HIPK2: variants seen among roughly 807,000 people sequenced by gnomAD.
The protein encoded by HIPK2 is homeodomain interacting protein kinase 2.
HIPK2 carries 27 observed loss-of-function variants against 113.7 expected under a neutral mutation model. The observed-to-expected ratio is 0.24, with a 90% confidence interval of 0.17 to 0.33. The LOEUF (loss-of-function observed/expected upper bound fraction) is 0.33. Among genes scored for constraint, HIPK2 ranks in the 10% least tolerant of loss-of-function variants. The pLI is 1.00. For missense variants in HIPK2, 1,257 were observed against 1,588.0 expected (o/e 0.79, Z 3.54); for synonymous variants, 631 against 642.2 (o/e 0.98, Z 0.26).
At position 139,716,713 on chromosome 7, in the gene HIPK2, G is replaced by C; in HGVS notation, c.322C>G (p.Leu108Val). 1.2e-6 allele frequency: 2 copies of C among 1,613,950 alleles called. No individual in the cohort carries two copies. The highest frequency in any genetic ancestry group is 1.7e-6 in the Non-Finnish European group (2 of 1,179,878). ...CGCATTAGGTTGTGTGGTCCGCCGA[G>C]GACTTGCCCGGTGACAGAAGTGCTG... is the stretch of plus-strand genomic sequence containing the variant. ...ASSTSVTGQV[L>V]GGPHNLMRRS... The change falls in exon 2 of 15, where the codon CTC (leucine) becomes GTC (valine). Residue 108 changes from leucine (L) to valine (V), a missense_variant. Physicochemically the swap from Leu to Val is conservative, Grantham distance 32 (BLOSUM62 1). Around this residue, in one of 5 missense-constraint regions of HIPK2, gnomAD observed 209 missense variants for 237.8 expected, o/e 0.88. Transcript: ENST00000406875. This position sits in a 1 kb window ranked among gnomAD's most constrained non-coding sequence, Gnocchi z 9.3.
chr7:139,585,198 G>C (rs893768295), intron 12 of HIPK2, among the ~76,000 whole-genome samples: 1 of 152,212 alleles, frequency 6.6e-6, no homozygotes, highest in African/African-American at 2.4e-5. Flanking sequence ...GCCTCATAGA[G>C]TCACAGCCAC....
intron 2 of HIPK2, among the ~76,000 whole-genome samples, chr7:139,713,231 C>G (rs868507498): frequency 5.9e-5 from 9 of 152,126 alleles, no homozygotes; most frequent in African/African-American, 1.9e-4. Flanking sequence ...CCACCAGAGG[C>G]GTCCAAAAGG....
rs750197299 is a variant in HIPK2 at position 139,604,066 on chromosome 7, G to A, written c.2255+15C>T. On this transcript the variant is annotated intron_variant, in intron 10 of 14. Coordinates refer to ENST00000406875, the MANE Select transcript of HIPK2 (RefSeq NM_022740.5). The stretch of plus-strand genomic sequence containing the variant: ...CCAGACACACCCACTCACCCTAGAG[G>A]GGTTTCCTGCTTACCTCCAGTCCGC... 6.2e-7 allele frequency: 1 copy of A among 1,613,698 alleles called. No homozygotes were observed. Among genetic ancestry groups the A allele is most frequent in the South Asian group, 1.1e-5 (1 of 91,064 alleles).
At chr7:139,596,513 G>A (rs1432512119) in intron 12 of HIPK2, among the ~76,000 whole-genome samples, 2 of 152,166 alleles carry the variant, frequency 1.3e-5, no homozygotes, top group Non-Finnish European at 2.9e-5. Flanking sequence ...AACATGATTC[G>A]ACATTATTTT....
intron 1 of HIPK2, among the ~76,000 whole-genome samples, chr7:139,720,446 G>A (rs1025735508): frequency 1.3e-5 from 2 of 152,296 alleles, no homozygotes; most frequent in Non-Finnish European, 1.5e-5. Context: ...GTGACTGCAC[G>A]TCTGTAGGAA....
chr7:139,625,612 CT>C (rs1322384307), intron 6 of HIPK2, among the ~76,000 whole-genome samples: 1 of 152,232 alleles, frequency 6.6e-6, no homozygotes, highest in Admixed American at 6.5e-5. Flanking sequence ...AATGCCCTGC[CT>C]GCTCATGCCC....
intron 9 of HIPK2, among the ~76,000 whole-genome samples, chr7:139,608,259 G>GTGTA (rs1425290692): frequency 6.8e-6 from 1 of 146,228 alleles, no homozygotes; most frequent in Non-Finnish European, 1.5e-5. Context: ...ATACGTGTGT[G>GTGTA]TGTGTGTGTG....
intron 1 of HIPK2, among the ~76,000 whole-genome samples, chr7:139,764,087 A>G (rs1010065498): frequency 4.6e-5 from 7 of 152,224 alleles, no homozygotes; most frequent in African/African-American, 1.7e-4. Flanking sequence ...CATGAGTTAT[A>G]GTGCTGTTGG....
intron 1 of HIPK2, among the ~76,000 whole-genome samples, chr7:139,736,481 C>T (rs1179710641): frequency 6.6e-6 from 1 of 152,160 alleles, no homozygotes; most frequent in African/African-American, 2.4e-5. Context: ...AGGGAACTCC[C>T]ACAGCAGGAC....
intron 13 of HIPK2, among the ~76,000 whole-genome samples, chr7:139,581,144 C>A (rs144653138): frequency 6.6e-6 from 1 of 152,052 alleles, no homozygotes; most frequent in Admixed American, 6.6e-5. Flanking sequence ...TGCTTGAACC[C>A]GGGAAGTAGA....
At chr7:139,776,241 C>A (rs573122293) in intron 1 of HIPK2, among the ~76,000 whole-genome samples, 14 of 152,132 alleles carry the variant, frequency 9.2e-5, no homozygotes, top group Non-Finnish European at 1.5e-4. Flanking sequence ...CCTGGAATAA[C>A]ATCTCTCTGT....
In HIPK2 at chr7:139,631,838, G is replaced by A. The variant is rs1295131581; in HGVS notation, c.1104-113C>T. On this transcript the variant is annotated intron_variant, in intron 2 of 14. Transcript: ENST00000406875. This position sits in a 1 kb window ranked among gnomAD's most constrained non-coding sequence, Gnocchi z 4.9. ...GCCATTACTGACTCCTCCTCTGAAG[G>A]GCCTGTGGCTCTCAGGAGAGGCGCT... The A allele has an allele frequency of 6.8e-6, 9 of 1,325,894 alleles. No individual in the cohort carries two copies. In the African/African-American group the frequency reaches 1.2e-4, roughly 18 times the overall value. 82.1% of individuals were successfully genotyped at this position (1,325,894 alleles called of 1,614,324 possible).
intron 11 of HIPK2, among the ~76,000 whole-genome samples, chr7:139,599,339 C>T (rs566657067): frequency 7.9e-5 from 12 of 152,272 alleles, no homozygotes; most frequent in Admixed American, 2.6e-4. Context: ...AGTCATAACC[C>T]CCCCTACAAT....
chr7:139,727,533 A>G (rs989963069), intron 1 of HIPK2, among the ~76,000 whole-genome samples: 10 of 152,206 alleles, frequency 6.6e-5, no homozygotes, highest in African/African-American at 2.4e-4. Context: ...TTTTCCTAAC[A>G]TTTGCAAATT....
intron 8 of HIPK2, 121 bp downstream of exon 8, chr7:139,614,165 C>T: frequency 1.0e-6 from 1 of 985,446 alleles, no homozygotes; most frequent in Non-Finnish European, 1.4e-6. Flanking sequence ...AGCGCTCTCA[C>T]TGGAAGAAAT....
At position 139,564,023 on chromosome 7, in the gene HIPK2, A is replaced by C; in HGVS notation, c.*8904T>G. On this transcript the variant is annotated 3_prime_UTR_variant, in exon 15 of 15. Coordinates refer to ENST00000406875, the MANE Select transcript of HIPK2 (RefSeq NM_022740.5). ...CTTGTTCCAAATATGATGTCTGTTTAGAGTGGGTCTCAATGGACCAGGCTG... is the reference window on the plus strand; with the variant it reads ...CTTGTTCCAAATATGATGTCTGTTTCGAGTGGGTCTCAATGGACCAGGCTG... The C allele has an allele frequency of 2.5e-6, 1 of 398,444 alleles. No individual in the cohort carries two copies. The highest frequency in any genetic ancestry group is 4.4e-6 in the Non-Finnish European group (1 of 226,056). 24.7% of individuals were successfully genotyped at this position (398,444 alleles called of 1,614,324 possible).
intron 6 of HIPK2, among the ~76,000 whole-genome samples, chr7:139,621,056 C>T (rs1199114636): frequency 6.6e-6 from 1 of 152,230 alleles, no homozygotes; most frequent in African/African-American, 2.4e-5. Context: ...AGGAACTCTC[C>T]AACCCAGTAT....
At chr7:139,742,527 A>C (rs760826173) in intron 1 of HIPK2, among the ~76,000 whole-genome samples, 26 of 152,274 alleles carry the variant, frequency 1.7e-4, no homozygotes, top group Non-Finnish European at 3.5e-4. Flanking sequence ...CTCCATACAA[A>C]ACACTTACTC....
chr7:139,600,696 T>G, intron 10 of HIPK2, 100 bp from the exon 11 acceptor site: 1 of 1,352,616 alleles, frequency 7.4e-7, no homozygotes, highest in Non-Finnish European at 1.0e-6. Context: ...CTGACTGCAG[T>G]TGGTTATCTC....
Sources: gnomAD v4.1 joint callset for allele counts (sites outside exome capture counted in the v4.1 genomes callset) on GRCh38, gnomAD v4.1.1 for gene constraint, gnomAD v4.1.1 regional missense constraint, Gnocchi (gnomAD v3.1) non-coding constraint, MANE v1.5 for transcripts, NCBI Gene and HGNC (gene_info 2026-07-23, HGNC 2026-07-21) for gene names.